Variants in ERICH1 observed in about 807,000 individuals in gnomAD.
The protein encoded by ERICH1 is glutamate-rich protein 1.
A neutral mutation model predicts 39.6 loss-of-function variants in ERICH1; 56 were observed. The observed-to-expected ratio is 1.41, with a 90% CI of 1.14 to 1.77. The LOEUF is 1.77. Ranked by LOEUF, ERICH1 falls within the 40% of genes most tolerant of loss-of-function variation. The probability of loss-of-function intolerance (pLI) is 0.00; values close to 1 mark genes in which losing one functional copy is unlikely to be tolerated. For synonymous variants in ERICH1, 313 were observed against 223.6 expected (o/e 1.40, Z -3.57); for missense variants, 826 against 575.4 (o/e 1.44, Z -4.45).
intron 2 of ERICH1, among the ~76,000 whole-genome samples, chr8:711,623 G>A (rs536547978): frequency 3.3e-5 from 5 of 151,820 alleles, no homozygotes; most frequent in South Asian, 4.2e-4. Flanking sequence ...TCAGCCTACC[G>A]AGTGGCTGGG....
chr8:637,597 T>G (rs972825720), intron 3 of ERICH1: 5 of 152,288 alleles, frequency 3.3e-5, no homozygotes, highest in Admixed American at 2.6e-4. Flanking sequence ...CTGCAGATGC[T>G]GAATTCAAAA....
chr8:640,041 G>T (rs1469214900), intron 3 of ERICH1, among the ~76,000 whole-genome samples: 2 of 152,198 alleles, frequency 1.3e-5, no homozygotes, highest in African/African-American at 4.8e-5. Context: ...GCCCTGATGG[G>T]GAGTGGCTCA....
At chr8:711,310 G>C in intron 2 of ERICH1, among the ~76,000 whole-genome samples, 1 of 152,082 alleles carries the variant, frequency 6.6e-6, no homozygotes, top group Admixed American at 6.6e-5. Flanking sequence ...GTCATTCGCA[G>C]AGCACAAGAT....
intron 3 of ERICH1, among the ~76,000 whole-genome samples, chr8:678,918 T>C (rs1442167699): frequency 6.6e-6 from 1 of 152,028 alleles, no homozygotes; most frequent in African/African-American, 2.4e-5. Context: ...CCCTCATGGC[T>C]CTGACGACCG....
chr8:679,043 C>T (rs1427875010), intron 3 of ERICH1, among the ~76,000 whole-genome samples: 1 of 150,144 alleles, frequency 6.7e-6, no homozygotes, highest in African/African-American at 2.5e-5. Flanking sequence ...AGCTCCCATC[C>T]CTCAGCAGTG....
intron 3 of ERICH1, among the ~76,000 whole-genome samples, chr8:688,310 C>CCCGCT (rs1308003549): frequency 0.073 from 5,696 of 78,078 alleles, 882 homozygotes; most frequent in East Asian, 0.28. Context: ...GCCGCCCCGC[C>CCCGCT]CCGGGCCACC....
chr8:728,033 G>A (rs868708476), intron 1 of ERICH1, among the ~76,000 whole-genome samples: 16 of 152,230 alleles, frequency 1.1e-4, no homozygotes, highest in Admixed American at 5.2e-4. Context: ...CTGGGCCCTG[G>A]GACGGGGCTC....
intron 3 of ERICH1, among the ~76,000 whole-genome samples, chr8:635,512 T>C (rs1331417932): frequency 1.3e-5 from 2 of 152,128 alleles, no homozygotes; most frequent in Non-Finnish European, 2.9e-5. Flanking sequence ...CCCTCATACA[T>C]GGGTGGTCTT....
chr8:630,201 AGAGCTGACT>A (rs1797912000), intron 3 of ERICH1, among the ~76,000 whole-genome samples: 2 of 142,626 alleles, frequency 1.4e-5, no homozygotes, highest in African/African-American at 5.7e-5. Flanking sequence ...GTGACCACCC[AGAGCTGACT>A]CACACCCTCC....
At chr8:630,594 T>A (rs1309526598) in intron 3 of ERICH1, among the ~76,000 whole-genome samples, 6 of 92,024 alleles carry the variant, frequency 6.5e-5, no homozygotes, top group South Asian at 4.5e-4. Context: ...CAGAGCTGAC[T>A]CACACCCTCC....
intron 3 of ERICH1, among the ~76,000 whole-genome samples, chr8:674,983 GAA>G (rs1184280517): frequency 3.9e-5 from 6 of 152,372 alleles, no homozygotes; most frequent in African/African-American, 1.4e-4. Context: ...TTGCGGAACA[GAA>G]GAGGTAGCAC....
intron 3 of ERICH1, chr8:615,493 G>A: frequency 2.2e-6 from 1 of 450,586 alleles, no homozygotes; most frequent in South Asian, 4.9e-5. Flanking sequence ...AGGCCTGGGT[G>A]CACTGACACC....
In ERICH1 at chr8:647,829, C is replaced by G. The variant is rs888839505; in HGVS notation, c.976+20769G>C. On this transcript the variant is annotated intron_variant, in intron 3 of 3. Coordinates refer to the ERICH1 transcript ENST00000522706. ...GCTGATGGGTTCAGGGGAGATGGGGCCCTGCCCACGGGGCCAGCTGGACTC... is the reference window on the plus strand; with the variant it reads ...GCTGATGGGTTCAGGGGAGATGGGGGCCTGCCCACGGGGCCAGCTGGACTC... Among the ~76,000 whole-genome samples the G allele has an allele frequency of 1.2e-4, 8 of 67,472 alleles. 2 individuals are homozygous for G. The highest frequency in any genetic ancestry group is 3.1e-4 in the African/African-American group (8 of 25,868). The allele number at this position is 67,472 out of a possible 152,430, so 44.3% of individuals were successfully genotyped here.
At chr8:670,256 C>A (rs1802992696) in intron 4 of ERICH1, among the ~76,000 whole-genome samples, 1 of 152,154 alleles carries the variant, frequency 6.6e-6, no homozygotes, top group African/African-American at 2.4e-5. Context: ...GCGAAATGCT[C>A]CAATTTTTCC....
At chr8:632,122 G>C (rs911783986) in intron 3 of ERICH1, among the ~76,000 whole-genome samples, 7 of 152,200 alleles carry the variant, frequency 4.6e-5, no homozygotes, top group Admixed American at 4.6e-4. Context: ...TTGTGCTCAG[G>C]AGAGGAAAAC....
In ERICH1 at chr8:723,393, A is replaced by G. The variant is rs1162486070; in HGVS notation, c.23-7386T>C. ...AACATTCCTTTTTAGTTTCCACTTA[A>G]TAGACTTACAAACAGAAAAGTGATT... On this transcript the variant is annotated intron_variant, in intron 1 of 5. Coordinates refer to ENST00000262109, the MANE Select transcript of ERICH1 (RefSeq NM_207332.3). Among the ~76,000 whole-genome samples the G allele has an allele frequency of 2.0e-5, 3 of 152,252 alleles. No homozygotes were observed. In the East Asian group the frequency reaches 5.8e-4, roughly 29 times the overall value.
intron 3 of ERICH1, among the ~76,000 whole-genome samples, chr8:634,183 A>AAAAAAACAAACAAACAAAAAACAAAC (rs1554481909): frequency 5.7e-4 from 77 of 135,808 alleles, no homozygotes; most frequent in African/African-American, 2.1e-3. Context: ...AAAAAAAAAA[A>AAAAAAACAAACAAACAAAAAACAAAC]AAACAAACAA....
chr8:666,885 C>T (rs770676395), intron 5 of ERICH1: 1 of 152,614 alleles, frequency 6.6e-6, no homozygotes, highest in Non-Finnish European at 1.5e-5. Flanking sequence ...CTACAGCTGC[C>T]TAACCTGTGG....
Position 700,550 on chromosome 8 carries a change from A to AGG in ERICH1, c.170-7939_170-7938insCC, listed in dbSNP as rs1426297336. On this transcript the variant is annotated intron_variant, in intron 2 of 5. Transcript: ENST00000262109. Reference sequence around the variant, plus strand: ...CCCGCACAGGCGCACAGGCCCGCACACGCGCACAGGCCCGCACAGGCGCAC... The same window carrying AGG: ...CCCGCACAGGCGCACAGGCCCGCACAGGCGCGCACAGGCCCGCACAGGCGCAC... Among the ~76,000 whole-genome samples, 13 of 118,948 alleles carry AGG rather than the reference A, an allele frequency of 1.1e-4. 1 individual carries two copies. In the South Asian group the frequency reaches 1.7e-3, roughly 15 times the overall value. 78.0% of individuals were successfully genotyped at this position (118,948 alleles called of 152,430 possible). A position where few individuals can be genotyped will look rare whatever the true frequency, so the allele number is the denominator to read the frequency against.
Sources: gnomAD v4.1 joint callset for allele counts (sites outside exome capture counted in the v4.1 genomes callset) on GRCh38, gnomAD v4.1.1 for gene constraint, MANE v1.5 for transcripts, NCBI Gene and HGNC (gene_info 2026-07-23, HGNC 2026-07-21) for gene names.